Variants in PATJ observed in about 807,000 individuals in gnomAD.
PATJ encodes the protein inaD-like protein.
Under a neutral mutation model 224.9 loss-of-function variants are expected in PATJ, and 190 were observed. The observed-to-expected ratio is 0.84, with a 90% CI of 0.75 to 0.95. The LOEUF is 0.95. Ranked by LOEUF, PATJ falls within the 40% of genes least tolerant of loss-of-function variation. PATJ has a pLI of 0.00. For synonymous variants in PATJ, 769 were observed against 820.3 expected, an observed-to-expected ratio of 0.94 and a Z score of 1.07; for missense variants, 2,121 against 2,270.3, an observed-to-expected ratio of 0.93 and a Z score of 1.34.
intron 29 of PATJ, among the ~76,000 whole-genome samples, chr1:62,030,636 T>G (rs566846706): frequency 1.3e-5 from 2 of 152,340 alleles, no homozygotes; most frequent in Non-Finnish European, 2.9e-5. Flanking sequence ...TATAGACTAT[T>G]CGTTCACCTC....
At chr1:61,954,755 G>GTTT (rs1553219493) in intron 27 of PATJ, among the ~76,000 whole-genome samples, 10 of 74,290 alleles carry the variant, frequency 1.3e-4, no homozygotes, top group South Asian at 4.0e-4. Context: ...AAACTCTATT[G>GTTT]TTTTTTTTTT....
intron 22 of PATJ, among the ~76,000 whole-genome samples, chr1:61,887,305 C>A (rs1434895628): frequency 2.6e-5 from 4 of 152,056 alleles, no homozygotes; most frequent in Non-Finnish European, 5.9e-5. Flanking sequence ...AAAGGAAGGT[C>A]TGGATGTAGG....
intron 31 of PATJ, among the ~76,000 whole-genome samples, chr1:62,057,493 A>G (rs1327477180): frequency 1.3e-5 from 2 of 152,202 alleles, no homozygotes. Flanking sequence ...GTGGCATCAG[A>G]TAGAACAGGC....
chr1:61,785,753 T>G (rs1008601415), intron 7 of PATJ, among the ~76,000 whole-genome samples: 3 of 152,228 alleles, frequency 2.0e-5, no homozygotes, highest in Non-Finnish European at 4.4e-5. Context: ...ATGAACACTT[T>G]GAACAGATAC....
chr1:61,982,083 T>C (rs941899460), intron 27 of PATJ, among the ~76,000 whole-genome samples: 1 of 151,962 alleles, frequency 6.6e-6, no homozygotes, highest in African/African-American at 2.4e-5. Flanking sequence ...AGAGTGACCT[T>C]CTTAGGTTTT....
intron 41 of PATJ, among the ~76,000 whole-genome samples, chr1:62,139,505 C>T (rs1667284719): frequency 6.6e-6 from 1 of 151,572 alleles, no homozygotes; most frequent in Admixed American, 6.6e-5. Flanking sequence ...GTTGTTCAGT[C>T]AGTCCCTGAT....
chr1:61,977,459 C>T (rs746147822), intron 27 of PATJ, among the ~76,000 whole-genome samples: 1 of 152,018 alleles, frequency 6.6e-6, no homozygotes, highest in African/African-American at 2.4e-5. Context: ...AAGGTTAATT[C>T]ATCTTTCCCA....
At chr1:62,058,794 ATAAG>A (rs1180951365) in intron 31 of PATJ, among the ~76,000 whole-genome samples, 1 of 152,164 alleles carries the variant, frequency 6.6e-6, no homozygotes, top group Admixed American at 6.5e-5. Context: ...GCATGTGAAG[ATAAG>A]TAAGACCGCT....
intron 30 of PATJ, among the ~76,000 whole-genome samples, chr1:62,046,398 A>C (rs1490899948): frequency 5.3e-5 from 8 of 152,204 alleles, no homozygotes; most frequent in Non-Finnish European, 1.0e-4. Context: ...CTTTATTGCT[A>C]TCCTCCCTCA....
At chr1:61,869,278 T>C (rs1665944839) in intron 20 of PATJ, among the ~76,000 whole-genome samples, 1 of 151,346 alleles carries the variant, frequency 6.6e-6, no homozygotes, top group South Asian at 2.1e-4. Flanking sequence ...GGCTAATTTT[T>C]TGTATTTTTA....
intron 43 of PATJ, among the ~76,000 whole-genome samples, chr1:62,159,004 A>G (rs1669579296): frequency 6.6e-6 from 1 of 152,236 alleles, no homozygotes; most frequent in African/African-American, 2.4e-5. Context: ...ATAGCTTAAC[A>G]TAGTTTTTAA....
At chr1:62,047,290 T>C (rs1158041902) in intron 30 of PATJ, among the ~76,000 whole-genome samples, 1 of 152,240 alleles carries the variant, frequency 6.6e-6, no homozygotes, top group Non-Finnish European at 1.5e-5. Flanking sequence ...GGAGTCTCTC[T>C]CTGTTGCCCA....
chr1:61,985,760 C>T (rs959335018), intron 27 of PATJ, among the ~76,000 whole-genome samples: 7 of 151,954 alleles, frequency 4.6e-5, no homozygotes, highest in Non-Finnish European at 8.8e-5. Flanking sequence ...TAATGGTTCC[C>T]GCCAGAGGAC....
intron 1 of PATJ, among the ~76,000 whole-genome samples, chr1:61,759,152 T>C (rs1361046345): frequency 2.0e-5 from 3 of 152,256 alleles, no homozygotes; most frequent in Non-Finnish European, 2.9e-5. Context: ...CGGCTTTGAA[T>C]GCAGCCTGAC....
At chr1:61,883,173 A>G (rs865834314) in intron 21 of PATJ, among the ~76,000 whole-genome samples, 2 of 152,192 alleles carry the variant, frequency 1.3e-5, no homozygotes, top group Non-Finnish European at 2.9e-5. Context: ...TAACATGATA[A>G]TTGTATAATA....
At position 61,927,818 on chromosome 1, in the gene PATJ, C is replaced by G. The variant is rs777437810; in HGVS notation, c.3659C>G (p.Ala1220Gly). 1.9e-6 allele frequency: 3 copies of G among 1,609,598 alleles called. No individual in the cohort carries two copies. Among genetic ancestry groups the G allele is most frequent in the Non-Finnish European group, 2.5e-6 (3 of 1,176,726 alleles). Residue 1220 changes from alanine (A) to glycine (G), a missense_variant, in exon 27 of 44, where the codon GCC (alanine) becomes GGC (glycine). By Grantham distance (60) the Ala-to-Gly change is moderately conservative. Coordinates refer to ENST00000642238, the MANE Select transcript of PATJ (RefSeq NM_001350145.3). ...DDSDENEEED[A>G]FTDQKIRQRY... Reference sequence around the variant, plus strand: ...AGTGATGAAAATGAAGAAGAAGATGCCTTTACCGACCGTGAGTGCCTTTTC... The same window carrying G: ...AGTGATGAAAATGAAGAAGAAGATGGCTTTACCGACCGTGAGTGCCTTTTC...
intron 22 of PATJ, among the ~76,000 whole-genome samples, chr1:61,893,588 T>G (rs1321953368): frequency 6.7e-6 from 1 of 149,302 alleles, no homozygotes; most frequent in East Asian, 2.0e-4. Context: ...ATTGCTTGAG[T>G]CCAGGTGTTT....
At chr1:61,879,736 GCCT>G (rs1037415993) in intron 21 of PATJ, among the ~76,000 whole-genome samples, 7 of 151,674 alleles carry the variant, frequency 4.6e-5, no homozygotes, top group African/African-American at 1.7e-4. Context: ...TTTTCATCAA[GCCT>G]CCTCCTTTTG....
intron 30 of PATJ, among the ~76,000 whole-genome samples, chr1:62,043,043 G>C (rs1463875333): frequency 2.0e-5 from 3 of 152,194 alleles, no homozygotes; most frequent in African/African-American, 7.2e-5. Flanking sequence ...GAGTGAGCAA[G>C]AGTGCTAATA....
Sources: gnomAD v4.1 joint callset for allele counts (sites outside exome capture counted in the v4.1 genomes callset) on GRCh38, gnomAD v4.1.1 for gene constraint, MANE v1.5 for transcripts, NCBI Gene and HGNC (gene_info 2026-07-23, HGNC 2026-07-21) for gene names.